HHIP: variants seen among roughly 807,000 people sequenced by gnomAD.
HHIP encodes hedgehog interacting protein.
A neutral mutation model predicts 74.0 loss-of-function variants in HHIP; 12 were observed. The observed-to-expected ratio is 0.16, with a 90% CI of 0.10 to 0.26. The LOEUF (loss-of-function observed/expected upper bound fraction) is 0.26. Ranked by LOEUF, HHIP falls within the 10% of genes least tolerant of loss-of-function variation. The probability of loss-of-function intolerance (pLI) is 1.00; values close to 1 mark genes in which losing one functional copy is unlikely to be tolerated. For missense variants in HHIP, 788 were observed against 845.0 expected, an observed-to-expected ratio of 0.93 and a Z score of 0.84; for synonymous variants, 309 against 311.6, an observed-to-expected ratio of 0.99 and a Z score of 0.09.
At chr4:144,670,774 A>G (rs1214756914) in intron 4 of HHIP, among the ~76,000 whole-genome samples, 13 of 150,010 alleles carry the variant, frequency 8.7e-5, no homozygotes, top group African/African-American at 2.9e-4. Context: ...GAAAAAAAAA[A>G]AAAAAAAAAA....
rs1302486156 is a variant in HHIP, at chr4:144,743,032, T to A, written c.*5075T>A. 4.0e-5 allele frequency: 5 copies of A among 125,696 alleles called. No homozygotes were observed. Among genetic ancestry groups the A allele is most frequent in the African/African-American group, 1.2e-4 (4 of 34,654 alleles). The allele number at this position is 125,696 out of a possible 1,614,324, so 7.8% of individuals were successfully genotyped here. On this transcript the variant is annotated 3_prime_UTR_variant, in exon 13 of 13. Transcript: ENST00000296575. Reference sequence around the variant, plus strand: ...ATATTATATATATATAATATATATCTTATATATATATATATCTTAATACAT... The same window carrying A: ...ATATTATATATATATAATATATATCATATATATATATATATCTTAATACAT...
chr4:144,742,985 A>T lies in HHIP; in HGVS notation c.*5028A>T, dbSNP rs1203279070. On this transcript the variant is annotated 3_prime_UTR_variant, in exon 13 of 13. Transcript: ENST00000296575. ...ATAAGATATATGTATATATATATAC[A>T]TTATATATATATAATATATATATAT... 27 of 602 alleles carry T rather than the reference A, an allele frequency of 0.045. 1 individual carries two copies. The highest frequency in any genetic ancestry group is 0.054 in the African/African-American group (27 of 498). The allele number at this position is 602 out of a possible 1,614,324, so 0.0% of individuals were successfully genotyped here.
rs1578733602 is a variant in HHIP at position 144,735,034 on chromosome 4, T to C, written c.1909+145T>C. 4 of 659,044 alleles carry C rather than the reference T, an allele frequency of 6.1e-6. No homozygotes were observed. The East Asian group carries it at 1.2e-4, about 20-fold the overall frequency. The allele number at this position is 659,044 out of a possible 1,614,324, so 40.8% of individuals were successfully genotyped here. ...TACAATACTATTAATGCTCATCTGT[T>C]TATGAGCTTGTAAGTAAAATCTTGT... is the stretch of plus-strand genomic sequence containing the variant. On this transcript the variant is annotated intron_variant, in intron 12 of 12. Coordinates refer to ENST00000296575, the MANE Select transcript of HHIP (RefSeq NM_022475.3).
Position 144,742,905 on chromosome 4 carries a change from ATATATATCT to A in HHIP, c.*4956_*4964del, listed in dbSNP as rs1560728998. On this transcript the variant is annotated 3_prime_UTR_variant, in exon 13 of 13. Transcript: ENST00000296575. ...ATATATCTTATATATATATCTTTTT[ATATATATCT>A]TATATATATATCTTTATATATATCT... 0.012 allele frequency: 1,387 copies of A among 112,676 alleles called. 47 individuals carry two copies. The highest frequency in any genetic ancestry group is 0.04 in the African/African-American group (1,213 of 30,410). The allele number at this position is 112,676 out of a possible 1,614,324, so 7.0% of individuals were successfully genotyped here.
rs924069850 is a variant in HHIP, at chr4:144,740,167, A to G, written c.*2210A>G. ...ATTCTTCCTAGTTTCCCTGAAAACAATAAGGATACTGCTATATATTCAGTA... is the reference window on the plus strand; with the variant it reads ...ATTCTTCCTAGTTTCCCTGAAAACAGTAAGGATACTGCTATATATTCAGTA... On this transcript the variant is annotated 3_prime_UTR_variant, in exon 13 of 13. Transcript: ENST00000296575. 2.0e-5 allele frequency: 3 copies of G among 152,218 alleles called. No homozygotes were observed. The highest frequency in any genetic ancestry group is 2.0e-4 in the Admixed American group (3 of 15,276). The allele number at this position is 152,218 out of a possible 1,614,324, so 9.4% of individuals were successfully genotyped here. A position where few individuals can be genotyped will look rare whatever the true frequency, so the allele number is the denominator to read the frequency against.
At chr4:144,661,674 T>C (rs1374737515) in intron 4 of HHIP, among the ~76,000 whole-genome samples, 1 of 152,176 alleles carries the variant, frequency 6.6e-6, no homozygotes, top group Non-Finnish European at 1.5e-5. Flanking sequence ...ACCATATTTA[T>C]GAGTTGATCA....
At chr4:144,687,377 T>A (rs1386653831) in intron 4 of HHIP, among the ~76,000 whole-genome samples, 1 of 152,306 alleles carries the variant, frequency 6.6e-6, no homozygotes, top group Admixed American at 6.5e-5. Flanking sequence ...AATCCATCTT[T>A]AATGCAGCCA....
Position 144,738,373 on chromosome 4 carries a change from T to TA in HHIP, c.*424dup, listed in dbSNP as rs970973565. ...TACTGTGCAATCCGATGGATCTAAT[T>TA]AAAAAAAAGGCAATATTTTTATATT... On this transcript the variant is annotated 3_prime_UTR_variant, in exon 13 of 13. Coordinates refer to ENST00000296575, the MANE Select transcript of HHIP (RefSeq NM_022475.3). 5.9e-5 allele frequency: 58 copies of TA among 975,796 alleles called. No individual in the cohort carries two copies. The highest frequency in any genetic ancestry group is 1.4e-4 in the South Asian group (3 of 21,066). The allele number at this position is 975,796 out of a possible 1,614,324, so 60.4% of individuals were successfully genotyped here. A position where few individuals can be genotyped will look rare whatever the true frequency, so the allele number is the denominator to read the frequency against.
intron 4 of HHIP, among the ~76,000 whole-genome samples, chr4:144,705,393 C>T (rs1730107063): frequency 6.6e-6 from 1 of 152,048 alleles, no homozygotes; most frequent in Admixed American, 6.6e-5. Flanking sequence ...TCTCTGCTAA[C>T]ACTTGAGAAG....
chr4:144,688,358 G>A (rs911384857), intron 4 of HHIP, among the ~76,000 whole-genome samples: 3 of 152,064 alleles, frequency 2.0e-5, no homozygotes, highest in Non-Finnish European at 4.4e-5. Flanking sequence ...GAGTCCCAGC[G>A]GTGCTGGTGC....
intron 11 of HHIP, among the ~76,000 whole-genome samples, chr4:144,725,836 T>C (rs1158917995): frequency 6.6e-6 from 1 of 152,036 alleles, no homozygotes; most frequent in Non-Finnish European, 1.5e-5. Context: ...ACCCGGCTAA[T>C]TTTTTGTATT....
chr4:144,677,676 A>C (rs1163880892), intron 4 of HHIP, among the ~76,000 whole-genome samples: 1 of 152,148 alleles, frequency 6.6e-6, no homozygotes, highest in Non-Finnish European at 1.5e-5. Context: ...TTACAGAACA[A>C]ATAAGACCAC....
At chr4:144,719,013 G>T (rs1578722468) in intron 11 of HHIP, 57 bp downstream of exon 11, 18 of 1,050,362 alleles carry the variant, frequency 1.7e-5, no homozygotes, top group Non-Finnish European at 2.7e-5. Context: ...AATTATTTTA[G>T]TTCATTCAAT....
Position 144,743,781 on chromosome 4 carries a change from T to G in HHIP, c.*5824T>G, listed in dbSNP as rs1206483276. On this transcript the variant is annotated 3_prime_UTR_variant, in exon 13 of 13. Coordinates refer to ENST00000296575, the MANE Select transcript of HHIP (RefSeq NM_022475.3). ...ATGGGAAATTCATAATGGCTAAATATGAAATAAGCTTTGTCTTTGCAGTTA... is the reference window on the plus strand; with the variant it reads ...ATGGGAAATTCATAATGGCTAAATAGGAAATAAGCTTTGTCTTTGCAGTTA... 1 of 152,126 alleles carries G rather than the reference T, an allele frequency of 6.6e-6. No homozygotes were observed. Among genetic ancestry groups the G allele is most frequent in the African/African-American group, 2.4e-5 (1 of 41,458 alleles). 9.4% of individuals were successfully genotyped at this position (152,126 alleles called of 1,614,324 possible). A position where few individuals can be genotyped will look rare whatever the true frequency, so the allele number is the denominator to read the frequency against.
Position 144,741,640 on chromosome 4 carries a change from C to G in HHIP, c.*3683C>G, listed in dbSNP as rs1731264008. 1 of 152,070 alleles carries G rather than the reference C, an allele frequency of 6.6e-6. No individual in the cohort carries two copies. Among genetic ancestry groups the G allele is most frequent in the African/African-American group, 2.4e-5 (1 of 41,392 alleles). The allele number at this position is 152,070 out of a possible 1,614,324, so 9.4% of individuals were successfully genotyped here. On this transcript the variant is annotated 3_prime_UTR_variant, in exon 13 of 13. Coordinates refer to ENST00000296575, the MANE Select transcript of HHIP (RefSeq NM_022475.3). ...CAAGTGATCCAGCCCCCCAGGCCTC[C>G]CAAAGTGCTAGGATTACAGGCGTGA...
intron 4 of HHIP, among the ~76,000 whole-genome samples, chr4:144,701,230 T>C (rs1233954944): frequency 6.6e-6 from 1 of 152,182 alleles, no homozygotes; most frequent in Non-Finnish European, 1.5e-5. Context: ...GCTTGTGTCA[T>C]GTACATAAAA....
intron 4 of HHIP, among the ~76,000 whole-genome samples, chr4:144,682,054 C>A (rs979633681): frequency 1.3e-5 from 2 of 152,194 alleles, no homozygotes; most frequent in African/African-American, 4.8e-5. Context: ...TAAAATTAAT[C>A]TTCATTGTTT....
At chr4:144,707,438 G>A (rs1158773943) in intron 6 of HHIP, among the ~76,000 whole-genome samples, 178 bp downstream of exon 6, 3 of 152,014 alleles carry the variant, frequency 2.0e-5, no homozygotes, top group East Asian at 3.9e-4. Flanking sequence ...AATATGCTAC[G>A]TGATCTTTTG....
At chr4:144,689,786 T>C (rs1243913985) in intron 4 of HHIP, among the ~76,000 whole-genome samples, 1 of 152,154 alleles carries the variant, frequency 6.6e-6, no homozygotes, top group East Asian at 1.9e-4. Context: ...CTAATATCTT[T>C]TCTAGGTAAA....
Sources: gnomAD v4.1 joint callset for allele counts (sites outside exome capture counted in the v4.1 genomes callset) on GRCh38, gnomAD v4.1.1 for gene constraint, MANE v1.5 for transcripts, NCBI Gene and HGNC (gene_info 2026-07-23, HGNC 2026-07-21) for gene names.